COG2: variants seen among roughly 807,000 people sequenced by gnomAD.
COG2 encodes the protein conserved oligomeric Golgi complex subunit 2.
In COG2, 52 loss-of-function variants were observed where a neutral mutation model predicts 90.6. The ratio of observed to expected loss-of-function variants is 0.57; its 90% CI spans 0.46 to 0.72. COG2 has a LOEUF of 0.72. Among genes scored for constraint, COG2 ranks in the 30% least tolerant of loss-of-function variants. The pLI is 0.00. For missense variants in COG2, 829 were observed against 891.2 expected (o/e 0.93, Z 0.89); for synonymous variants, 337 against 320.4 (o/e 1.05, Z -0.55).
chr1:230,683,487 C>G lies in COG2; in HGVS notation c.1167-87C>G, dbSNP rs1326818714. On this transcript the variant is annotated intron_variant, in intron 10 of 17. Coordinates refer to ENST00000366669, the MANE Select transcript of COG2 (RefSeq NM_007357.3). ...TACCAGTGAGTGACAGAGGAAGTTC[C>G]TGTTACTTAGGAAAAACAGAGAATG... 16 of 980,050 alleles carry G rather than the reference C, an allele frequency of 1.6e-5. No individual in the cohort carries two copies. The African/African-American group carries it at 2.4e-4, about 15-fold the overall frequency. 60.7% of individuals were successfully genotyped at this position (980,050 alleles called of 1,614,324 possible).
intron 8 of COG2, among the ~76,000 whole-genome samples, chr1:230,673,580 T>C (rs1430489380): frequency 6.6e-6 from 1 of 152,246 alleles, no homozygotes; most frequent in African/African-American, 2.4e-5. Flanking sequence ...GGAAATGTTG[T>C]CATTTAATAG....
At chr1:230,667,333 C>T (rs1662344563) in intron 5 of COG2, among the ~76,000 whole-genome samples, 2 of 152,150 alleles carry the variant, frequency 1.3e-5, no homozygotes, top group Admixed American at 6.5e-5. Context: ...CTGCAGTCTT[C>T]CTTGCTCCGA....
At chr1:230,671,708 C>T in intron 8 of COG2, 68 bp downstream of exon 8, 1 of 1,444,188 alleles carries the variant, frequency 6.9e-7, no homozygotes, top group Non-Finnish European at 9.6e-7. Context: ...ATTGCAGGTG[C>T]ACGATGGACG....
intron 1 of COG2, among the ~76,000 whole-genome samples, chr1:230,655,020 T>C (rs1662014904): frequency 6.6e-6 from 1 of 152,206 alleles, no homozygotes; most frequent in Non-Finnish European, 1.5e-5. Flanking sequence ...GTTTTCTAAA[T>C]ATACAATCAT....
chr1:230,688,328 A>G, intron 14 of COG2, 92 bp from the exon 15 acceptor site: 1 of 1,457,432 alleles, frequency 6.9e-7, no homozygotes, highest in Non-Finnish European at 9.5e-7. Context: ...GATTTATTAT[A>G]GTACACAATG....
intron 10 of COG2, chr1:230,681,104 C>T (rs1662736053): frequency 6.6e-6 from 1 of 152,148 alleles, no homozygotes. Flanking sequence ...CTTCCTGAGA[C>T]CCCACTGTGT....
In COG2 at chr1:230,663,172, G is replaced by A. The variant is rs1213814990; in HGVS notation, c.332G>A (p.Arg111Gln). The change falls in exon 4 of 18, where the codon CGG becomes CAG. Residue 111 changes from arginine to glutamine, a missense_variant. Coordinates refer to ENST00000366669, the MANE Select transcript of COG2 (RefSeq NM_007357.3). ...SLRSSVSEGI[R>Q]AVDERMSKQE... Reference sequence around the variant, plus strand: ...AGATCGTCTGTCAGTGAAGGAATTCGGGCAGTTGATGAACGAATGTCTAAA... The same window carrying A: ...AGATCGTCTGTCAGTGAAGGAATTCAGGCAGTTGATGAACGAATGTCTAAA... 1.2e-6 allele frequency: 2 copies of A among 1,609,252 alleles called. No homozygotes were observed. Among genetic ancestry groups the A allele is most frequent in the Non-Finnish European group, 1.7e-6 (2 of 1,177,846 alleles).
Position 230,690,143 on chromosome 1 carries a change from A to G in COG2, c.1924A>G (p.Ser642Gly), listed in dbSNP as rs2102775749. ...GTGGCTAGAAGGCACTCTCAGTGAA[A>G]GCACTCATAAGTAAGTAAATTAAAA... The part of the protein sequence containing the change: ...QQWLEGTLSE[S>G]THKYYETVSD... The change falls in exon 16 of 18, where the codon AGC becomes GGC. Residue 642 changes from serine (S) to glycine (G), a missense_variant. Ser to Gly is a moderately conservative substitution (Grantham distance 56). Transcript: ENST00000366669. The G allele has an allele frequency of 1.2e-6, 2 of 1,612,632 alleles. No individual in the cohort carries two copies. The highest frequency in any genetic ancestry group is 1.7e-6 in the Non-Finnish European group (2 of 1,179,496).
chr1:230,643,778 T>C (rs923097092), intron 1 of COG2, among the ~76,000 whole-genome samples: 2 of 152,176 alleles, frequency 1.3e-5, no homozygotes, highest in African/African-American at 4.8e-5. Context: ...ATTAGACCAC[T>C]GTACTAAAAG....
chr1:230,683,864 T>A (rs1439055547), intron 11 of COG2, among the ~76,000 whole-genome samples: 1 of 152,092 alleles, frequency 6.6e-6, no homozygotes, highest in Non-Finnish European at 1.5e-5. Context: ...TGATCTTGGC[T>A]CACTGCAGCC....
At chr1:230,693,201 T>C (rs1663078884) in intron 17 of COG2, 91 bp from the exon 18 acceptor site, 3 of 740,940 alleles carry the variant, frequency 4.0e-6, no homozygotes, top group South Asian at 3.3e-5. Context: ...TCTTCTGGTT[T>C]AGTAGAGGAT....
At chr1:230,652,349 G>A (rs12406097) in intron 1 of COG2, among the ~76,000 whole-genome samples, 8,149 of 152,224 alleles carry the variant, frequency 0.054, 248 homozygotes, top group Middle Eastern at 0.092. Flanking sequence ...AGAAATGTAC[G>A]TTTAAGATTC....
At chr1:230,661,107 T>G (rs1015506826) in intron 3 of COG2, among the ~76,000 whole-genome samples, 6 of 152,014 alleles carry the variant, frequency 3.9e-5, no homozygotes, top group Non-Finnish European at 7.4e-5. Context: ...AAAACTCAAC[T>G]TGTTACTGTC....
chr1:230,676,717 A>T lies in COG2; in HGVS notation c.1026+1593A>T, dbSNP rs374256099. Among the ~76,000 whole-genome samples, 22 of 152,228 alleles carry T rather than the reference A, an allele frequency of 1.4e-4. No individual in the cohort carries two copies. The East Asian group carries it at 2.5e-3, about 17-fold the overall frequency. ...CTTTTTAGTCTTCTAACTGTTGATG[A>T]TAATTTATTTTTTTAATAATTTCTC... On this transcript the variant is annotated intron_variant, in intron 9 of 17. Coordinates refer to ENST00000366669, the MANE Select transcript of COG2 (RefSeq NM_007357.3).
intron 1 of COG2, among the ~76,000 whole-genome samples, chr1:230,652,095 G>A (rs968357034): frequency 7.2e-5 from 11 of 152,172 alleles, no homozygotes; most frequent in African/African-American, 2.7e-4. Flanking sequence ...TAAGTACATA[G>A]TGTCATGTAT....
At chr1:230,678,612 G>A (rs1662656079) in intron 9 of COG2, 1 of 1,315,638 alleles carries the variant, frequency 7.6e-7, no homozygotes, top group Non-Finnish European at 9.8e-7. Flanking sequence ...ATTCCAGTGG[G>A]CTGGGGTAGG....
intron 5 of COG2, among the ~76,000 whole-genome samples, 174 bp downstream of exon 5, chr1:230,664,761 T>G (rs1662277461): frequency 6.6e-6 from 1 of 152,312 alleles, no homozygotes; most frequent in Non-Finnish European, 1.5e-5. Flanking sequence ...ATACATATTA[T>G]TATATAGCCT....
chr1:230,680,693 T>A (rs937605650), intron 10 of COG2: 6 of 152,192 alleles, frequency 3.9e-5, no homozygotes, highest in African/African-American at 9.6e-5. Flanking sequence ...CATGAAATTT[T>A]AAAAAAACAC....
chr1:230,674,379 A>G (rs1662535047), intron 8 of COG2, among the ~76,000 whole-genome samples: 1 of 152,222 alleles, frequency 6.6e-6, no homozygotes, highest in Non-Finnish European at 1.5e-5. Context: ...CCTGTCATCT[A>G]CATTTGGGAA....
Sources: allele counts gnomAD v4.1 joint callset (sites outside exome capture counted in the v4.1 genomes callset), GRCh38; gene constraint gnomAD v4.1.1; transcripts MANE v1.5; gene names NCBI Gene and HGNC (gene_info 2026-07-23, HGNC 2026-07-21).